INPP4A: variants seen among roughly 807,000 people sequenced by gnomAD.
The protein encoded by INPP4A is inositol polyphosphate-4-phosphatase, type I, 107kD.
Under a neutral mutation model 119.8 loss-of-function variants are expected in INPP4A, and 33 were observed. That is an observed-to-expected ratio of 0.28 (90% CI 0.21 to 0.37). The LOEUF is 0.37. INPP4A is among the 10% of genes least tolerant of loss of function. INPP4A has a pLI of 1.00. For synonymous variants in INPP4A, 496 were observed against 500.7 expected (o/e 0.99, Z 0.12); for missense variants, 956 against 1,289.9 (o/e 0.74, Z 3.97).
intron 16 of INPP4A, among the ~76,000 whole-genome samples, chr2:98,557,818 C>T (rs1235131701): frequency 6.6e-6 from 1 of 152,214 alleles, no homozygotes; most frequent in Non-Finnish European, 1.5e-5. Flanking sequence ...CTCAAACTTC[C>T]CTTCTTCTCA....
chr2:98,535,970 C>T, intron 6 of INPP4A, 125 bp downstream of exon 6: 1 of 708,654 alleles, frequency 1.4e-6, no homozygotes, highest in Non-Finnish European at 2.5e-6. Flanking sequence ...TGTCTAAATG[C>T]ATTTGTCTTT....
chr2:98,500,980 GT>G (rs1558955407), intron 1 of INPP4A, among the ~76,000 whole-genome samples: 1 of 152,204 alleles, frequency 6.6e-6, no homozygotes, highest in African/African-American at 2.4e-5. Context: ...TACTTAGCTA[GT>G]TTAAAATATT....
intron 1 of INPP4A, among the ~76,000 whole-genome samples, chr2:98,495,341 C>T (rs752628177): frequency 2.7e-4 from 41 of 152,072 alleles, no homozygotes; most frequent in Non-Finnish European, 4.7e-4. Flanking sequence ...TTACTGGTGC[C>T]CAGAAATAAA....
chr2:98,479,433 C>T (rs1311108014), intron 1 of INPP4A, among the ~76,000 whole-genome samples: 2 of 152,164 alleles, frequency 1.3e-5, no homozygotes, highest in Non-Finnish European at 2.9e-5. Flanking sequence ...GCAATAAATA[C>T]ATAGTCAGTG....
chr2:98,538,837 C>A (rs746445408), intron 8 of INPP4A, 54 bp from the exon 9 acceptor site: 99 of 1,004,448 alleles, frequency 9.9e-5, no homozygotes, highest in Non-Finnish European at 1.4e-4. Context: ...GCTGAATGTT[C>A]TGGAGTCATC....
rs111516555 is a variant in INPP4A at position 98,456,827 on chromosome 2, C to T, written c.-166+11742C>T. Among the ~76,000 whole-genome samples, 576 of 152,274 alleles carry T rather than the reference C, an allele frequency of 3.8e-3. 7 individuals carry two copies. Among genetic ancestry groups the T allele is most frequent in the African/African-American group, 0.013 (557 of 41,548 alleles). ...AACTGTATGGTGTGTTAAATAACTC[C>T]ATTGGAGGGAGGAAGATCTTTGTGT... On this transcript the variant is annotated intron_variant, in intron 1 of 24. Transcript: ENST00000409851.
At position 98,486,639 on chromosome 2, in the gene INPP4A, G is replaced by T. The variant is rs1267993953; in HGVS notation, c.-165-32325G>T. Among the ~76,000 whole-genome samples, 4 of 147,588 alleles carry T rather than the reference G, an allele frequency of 2.7e-5. No individual in the cohort carries two copies. The East Asian group carries it at 7.9e-4, about 29-fold the overall frequency. ...TTTTAGGGTGTGGGGCTGGATTTTT[G>T]CATACAGGTTACATCAGGAGTCCAG... On this transcript the variant is annotated intron_variant, in intron 1 of 24. Transcript: ENST00000409851.
rs772972394 is a variant in INPP4A at position 98,539,551 on chromosome 2, A to G, written c.694A>G (p.Met232Val). ...AGTGTTCGGTGGTGCCATCTGCCGC[A>G]TGTACCGGTTTCCAACCACTGATGG... Reference protein sequence around the residue: ...KSVFGGAICRMYRFPTTDGNH... With the variant: ...KSVFGGAICRVYRFPTTDGNH... The change falls in exon 10 of 25, where the codon ATG becomes GTG. Residue 232 changes from methionine (M) to valine (V), a missense_variant. Coordinates refer to ENST00000409851, the MANE Select transcript of INPP4A (RefSeq NM_001134225.2). 5 of 1,611,250 alleles carry G rather than the reference A, an allele frequency of 3.1e-6. No homozygotes were observed. In the African/African-American group the frequency reaches 4.0e-5, roughly 13 times the overall value.
chr2:98,547,060 G>A (rs991717480), intron 13 of INPP4A, among the ~76,000 whole-genome samples: 1 of 152,242 alleles, frequency 6.6e-6, no homozygotes, highest in African/African-American at 2.4e-5. Flanking sequence ...TTTCCTAGAG[G>A]ACAGCAGTGG....
chr2:98,474,758 G>A (rs568147467), intron 1 of INPP4A, among the ~76,000 whole-genome samples: 2 of 152,300 alleles, frequency 1.3e-5, no homozygotes, highest in East Asian at 3.9e-4. Context: ...ACAGGTTGGT[G>A]TTTTTTAAAA....
intron 1 of INPP4A, among the ~76,000 whole-genome samples, chr2:98,484,405 A>G (rs1679127696): frequency 1.3e-5 from 2 of 152,060 alleles, no homozygotes; most frequent in African/African-American, 4.8e-5. Flanking sequence ...GTCAGGGAAG[A>G]CCAAGCCCCA....
At chr2:98,470,041 G>A (rs184608157) in intron 1 of INPP4A, among the ~76,000 whole-genome samples, 4 of 152,202 alleles carry the variant, frequency 2.6e-5, no homozygotes, top group African/African-American at 7.2e-5. Flanking sequence ...AAGGGCCAAC[G>A]CACGTGACCT....
intron 4 of INPP4A, among the ~76,000 whole-genome samples, chr2:98,529,634 G>A (rs1201438389): frequency 6.6e-6 from 1 of 152,146 alleles, no homozygotes; most frequent in Non-Finnish European, 1.5e-5. Flanking sequence ...TACTCGGGAG[G>A]CTGAGGCAGG....
At position 98,593,469 on chromosome 2, in the gene INPP4A, G is replaced by A. The variant is rs1342258884; in HGVS notation, c.*5861G>A. On this transcript the variant is annotated 3_prime_UTR_variant, in exon 25 of 25. Coordinates refer to ENST00000409851, the MANE Select transcript of INPP4A (RefSeq NM_001134225.2). Reference sequence around the variant, plus strand: ...CACTAATGGCGTGGTGTTCTCCTGGGTTCCCTTTCTCACTTAAGATGATCT... The same window carrying A: ...CACTAATGGCGTGGTGTTCTCCTGGATTCCCTTTCTCACTTAAGATGATCT... The A allele has an allele frequency of 2.0e-5, 3 of 152,294 alleles. No individual in the cohort carries two copies. The highest frequency in any genetic ancestry group is 2.9e-5 in the Non-Finnish European group (2 of 68,046). 9.4% of individuals were successfully genotyped at this position (152,294 alleles called of 1,614,324 possible).
At position 98,476,742 on chromosome 2, in the gene INPP4A, G is replaced by A. The variant is rs182819691; in HGVS notation, c.-166+31657G>A. Among the ~76,000 whole-genome samples the A allele has an allele frequency of 2.5e-3, 383 of 152,284 alleles. 4 individuals are homozygous for A. Among genetic ancestry groups the A allele is most frequent in the African/African-American group, 8.8e-3 (367 of 41,554 alleles). ...ACCTGAGAATGGCCAAGATAGCCTT[G>A]CCTCCCTTCCTGTCTTCCAGAAATT... is the stretch of plus-strand genomic sequence containing the variant. On this transcript the variant is annotated intron_variant, in intron 1 of 24. Coordinates refer to ENST00000409851, the MANE Select transcript of INPP4A (RefSeq NM_001134225.2).
At chr2:98,495,174 A>T (rs930955354) in intron 1 of INPP4A, among the ~76,000 whole-genome samples, 3 of 152,222 alleles carry the variant, frequency 2.0e-5, no homozygotes, top group African/African-American at 7.2e-5. Context: ...ATTATAAGAT[A>T]TGCAAAGAAA....
intron 1 of INPP4A, among the ~76,000 whole-genome samples, chr2:98,464,526 GTC>G (rs1674340874): frequency 6.6e-6 from 1 of 152,198 alleles, no homozygotes; most frequent in African/African-American, 2.4e-5. Context: ...GCTAGCCAGT[GTC>G]TTTTTTTGCC....
rs868591658 is a variant in INPP4A, at chr2:98,555,805, A to T, written c.1819A>T (p.Thr607Ser). 2 of 1,554,406 alleles carry T rather than the reference A, an allele frequency of 1.3e-6. No homozygotes were observed. The highest frequency in any genetic ancestry group is 1.7e-6 in the Non-Finnish European group (2 of 1,147,888). The change falls in exon 16 of 25, where the codon ACA (threonine) becomes TCA (serine). Residue 607 changes from threonine (T) to serine (S), a missense_variant. This residue lies in a region of INPP4A where 652 missense variants were observed against 797.9 expected (regional missense o/e 0.82). Coordinates refer to ENST00000409851, the MANE Select transcript of INPP4A (RefSeq NM_001134225.2). ...PSTACHPHLT[T>S]HCSPPPEESS... The stretch of plus-strand genomic sequence containing the variant: ...CACTGCATGCCATCCTCATCTGACC[A>T]CACGTGCGTATGCATCCATGCTTCC...
chr2:98,491,227 CT>C (rs924678699), intron 1 of INPP4A, among the ~76,000 whole-genome samples: 5 of 152,170 alleles, frequency 3.3e-5, no homozygotes, highest in African/African-American at 1.2e-4. Flanking sequence ...GCAGATTTTT[CT>C]GTTTGGATTA....
Sources: allele counts gnomAD v4.1 joint callset (sites outside exome capture counted in the v4.1 genomes callset), GRCh38; gene constraint gnomAD v4.1.1; regional missense constraint gnomAD v4.1.1; transcripts MANE v1.5; gene names NCBI Gene and HGNC (gene_info 2026-07-23, HGNC 2026-07-21).